CTIF: variants seen among roughly 807,000 people sequenced by gnomAD.
CTIF encodes CBP80/20-dependent translation initiation factor.
Under a neutral mutation model 66.0 loss-of-function variants are expected in CTIF, and 21 were observed. The observed-to-expected ratio is 0.32, with a 90% CI of 0.23 to 0.46. The LOEUF (loss-of-function observed/expected upper bound fraction) is 0.46. CTIF is among the 20% of genes least tolerant of loss of function. The pLI, the probability that CTIF is intolerant of heterozygous loss-of-function variation, is 1.00. For synonymous variants in CTIF, 345 were observed against 326.4 expected (o/e 1.06, Z -0.62); for missense variants, 739 against 812.7 (o/e 0.91, Z 1.10).
intron 6 of CTIF, among the ~76,000 whole-genome samples, chr18:48,680,570 T>C (rs2091723099): frequency 6.6e-6 from 1 of 152,234 alleles, no homozygotes; most frequent in Admixed American, 6.5e-5. Context: ...AGACCCACCC[T>C]GCACACGTCC....
chr18:48,786,225 A>G (rs908709714), intron 9 of CTIF, among the ~76,000 whole-genome samples: 6 of 152,142 alleles, frequency 3.9e-5, no homozygotes, highest in Non-Finnish European at 8.8e-5. Flanking sequence ...GAGGGGGTGC[A>G]AGCCTCAGGC....
At chr18:48,639,448 G>A (rs1477751350) in intron 3 of CTIF, among the ~76,000 whole-genome samples, 2 of 152,134 alleles carry the variant, frequency 1.3e-5, no homozygotes, top group African/African-American at 4.8e-5. Flanking sequence ...GGGCAGCCTG[G>A]AGTTCAGAAA....
chr18:48,830,745 C>A (rs1227075410), intron 10 of CTIF, among the ~76,000 whole-genome samples: 2 of 139,050 alleles, frequency 1.4e-5, no homozygotes, highest in Admixed American at 1.5e-4. Flanking sequence ...CCCCCCCGAC[C>A]ACGCCCCAGC....
Position 48,761,386 on chromosome 18 carries a change from C to T in CTIF, c.1072-4C>T, listed in dbSNP as rs377077939. Reference sequence around the variant, plus strand: ...GCACATTCATTTGTCTCCGACACCCCCAGGATGAAGTGGCCGTGGAGACGA... The same window carrying T: ...GCACATTCATTTGTCTCCGACACCCTCAGGATGAAGTGGCCGTGGAGACGA... On this transcript the variant is annotated splice_region_variant and splice_polypyrimidine_tract_variant and intron_variant, in intron 8 of 11. Transcript: ENST00000256413. This position sits in a 1 kb window ranked among gnomAD's most constrained non-coding sequence, Gnocchi z 4.2. 11 of 1,611,840 alleles carry T rather than the reference C, an allele frequency of 6.8e-6. No individual in the cohort carries two copies. The South Asian group carries it at 8.8e-5, about 13-fold the overall frequency.
intron 1 of CTIF, among the ~76,000 whole-genome samples, chr18:48,577,206 C>T (rs1004751): frequency 0.22 from 33,812 of 152,166 alleles, 6,953 homozygotes; most frequent in African/African-American, 0.55. Context: ...TGTTTCCGCC[C>T]CAGGACCAGG....
rs189096712 is a variant in CTIF at position 48,731,994 on chromosome 18, G to A, written c.584+20299G>A. Reference sequence around the variant, plus strand: ...AACTCTGTTTCCATAACCAGATAGCGGCTCCATTCGGCCCACAGGCCACCA... The same window carrying A: ...AACTCTGTTTCCATAACCAGATAGCAGCTCCATTCGGCCCACAGGCCACCA... On this transcript the variant is annotated intron_variant, in intron 7 of 11. Transcript: ENST00000256413. Among the ~76,000 whole-genome samples, 18 of 152,340 alleles carry A rather than the reference G, an allele frequency of 1.2e-4. No homozygotes were observed. The East Asian group carries it at 3.3e-3, about 28-fold the overall frequency.
chr18:48,774,027 G>A (rs1407877526), intron 9 of CTIF, among the ~76,000 whole-genome samples: 1 of 152,168 alleles, frequency 6.6e-6, no homozygotes, highest in Admixed American at 6.5e-5. Context: ...CCCTTACGGA[G>A]ACAGAGGTCT....
At chr18:48,613,644 T>C (rs1458061435) in intron 1 of CTIF, among the ~76,000 whole-genome samples, 4 of 151,614 alleles carry the variant, frequency 2.6e-5, no homozygotes, top group Non-Finnish European at 5.9e-5. Flanking sequence ...AGGTGGGGAG[T>C]CCCTGGGCTG....
chr18:48,639,328 C>T (rs928344946), intron 3 of CTIF, among the ~76,000 whole-genome samples: 11 of 152,152 alleles, frequency 7.2e-5, no homozygotes, highest in African/African-American at 1.4e-4. Context: ...GCTGAGCTCC[C>T]GGTGGGCTTG....
chr18:48,657,542 G>C lies in CTIF; in HGVS notation c.253-6210G>C, dbSNP rs2091264266. 2.6e-5 allele frequency among the ~76,000 whole-genome samples: 4 copies of C among 152,114 alleles called. No homozygotes were observed. The South Asian group carries it at 8.3e-4, about 32-fold the overall frequency. ...ACTGACATTTAGAGCCAGGGGATTG[G>C]TGCTTCCAGAGCACCCCGGGGAGCT... On this transcript the variant is annotated intron_variant, in intron 3 of 11. Transcript: ENST00000256413.
In CTIF at chr18:48,857,406, G is replaced by A. The variant is rs1422122769; in HGVS notation, c.1528-182G>A. 3.3e-5 allele frequency among the ~76,000 whole-genome samples: 5 copies of A among 152,194 alleles called. No homozygotes were observed. The East Asian group carries it at 7.7e-4, about 23-fold the overall frequency. ...CCTGTCGGAGAAATCACGGCCACCC[G>A]GCGCAACTGACTTTCTGCTCTCTGA... On this transcript the variant is annotated intron_variant, in intron 10 of 11. Transcript: ENST00000256413.
At position 48,691,400 on chromosome 18, in the gene CTIF, C is replaced by T. The variant is rs975016616; in HGVS notation, c.508-20219C>T. Among the ~76,000 whole-genome samples the T allele has an allele frequency of 6.6e-4, 100 of 152,082 alleles. 1 individual carries two copies. The highest frequency in any genetic ancestry group is 6.5e-3 in the Admixed American group (100 of 15,282). ...TATTTGCTGAAGGGCTTTGTATTTT[C>T]CCATACATAACTTTGTAGGGGTCGT... On this transcript the variant is annotated intron_variant, in intron 6 of 11. Transcript: ENST00000256413.
At chr18:48,790,260 TG>T (rs1230666287) in intron 9 of CTIF, among the ~76,000 whole-genome samples, 3 of 152,230 alleles carry the variant, frequency 2.0e-5, no homozygotes, top group Admixed American at 1.3e-4. Flanking sequence ...AGACCCAGAC[TG>T]GGGAAATAGC....
intron 1 of CTIF, among the ~76,000 whole-genome samples, chr18:48,605,597 C>T (rs1279872248): frequency 6.6e-6 from 1 of 152,212 alleles, no homozygotes; most frequent in East Asian, 1.9e-4. Context: ...AAGTAGAGAC[C>T]AAAGACTCTG....
chr18:48,602,850 A>AATGGATGGATGGATGG (rs60224766), intron 1 of CTIF, among the ~76,000 whole-genome samples: 1 of 142,668 alleles, frequency 7.0e-6, no homozygotes, highest in Non-Finnish European at 1.5e-5. Flanking sequence ...TGGATGGATG[A>AATGGATGGATGGATGG]ATGGATGGAT....
intron 6 of CTIF, chr18:48,692,511 C>G (rs975160377): frequency 2.0e-5 from 3 of 152,160 alleles, no homozygotes; most frequent in African/African-American, 7.2e-5. Context: ...TCTGCTGGGA[C>G]ATTCTAGAAT....
At chr18:48,703,294 G>T (rs2092107901) in intron 6 of CTIF, among the ~76,000 whole-genome samples, 1 of 152,212 alleles carries the variant, frequency 6.6e-6, no homozygotes, top group Non-Finnish European at 1.5e-5. Flanking sequence ...GCAGACAGGT[G>T]ATCAGCTGGG....
chr18:48,589,829 T>G (rs551907770), intron 1 of CTIF, among the ~76,000 whole-genome samples: 2 of 152,338 alleles, frequency 1.3e-5, no homozygotes, highest in Admixed American at 6.5e-5. Context: ...GATTATACAT[T>G]TCAGCCTAGG....
intron 7 of CTIF, among the ~76,000 whole-genome samples, chr18:48,742,724 A>G (rs6507865): frequency 0.71 from 108,086 of 152,222 alleles, 38,865 homozygotes; most frequent in East Asian, 0.85. Flanking sequence ...GACAGTAAGC[A>G]CCTTGCCCAG....
Sources: gnomAD v4.1 joint callset for allele counts (sites outside exome capture counted in the v4.1 genomes callset) on GRCh38, gnomAD v4.1.1 for gene constraint, Gnocchi (gnomAD v3.1) non-coding constraint, MANE v1.5 for transcripts, NCBI Gene and HGNC (gene_info 2026-07-23, HGNC 2026-07-21) for gene names.